Variants in ZPBP observed in about 807,000 individuals in gnomAD.
The protein encoded by ZPBP is zona pellucida-binding protein 1.
Under a neutral mutation model 44.8 loss-of-function variants are expected in ZPBP, and 26 were observed. That is an observed-to-expected ratio of 0.58 (90% CI 0.43 to 0.81). ZPBP has a LOEUF of 0.81. ZPBP is among the 30% of genes least tolerant of loss of function. The probability of loss-of-function intolerance (pLI) is 0.00; values close to 1 mark genes in which losing one functional copy is unlikely to be tolerated. For synonymous variants in ZPBP, 174 were observed against 153.2 expected (o/e 1.14, Z -1.00); for missense variants, 409 against 434.0 (o/e 0.94, Z 0.51).
chr7:49,923,611 A>ACTTCTT (rs58162011), intron 1 of ZPBP, among the ~76,000 whole-genome samples: 116,658 of 151,004 alleles, frequency 0.77, 45,223 homozygotes, highest in East Asian at 0.88. Context: ...AAATATGAAA[A>ACTTCTT]CTTCTTCTTC....
intron 2 of ZPBP, among the ~76,000 whole-genome samples, chr7:49,888,776 T>C (rs1792007222): frequency 6.6e-6 from 1 of 152,098 alleles, no homozygotes; most frequent in African/African-American, 2.4e-5. Context: ...CCAGGCGTGG[T>C]GGCAGGCGCC....
chr7:50,016,060 G>A (rs1329057935), intron 6 of ZPBP, among the ~76,000 whole-genome samples: 1 of 152,094 alleles, frequency 6.6e-6, no homozygotes, highest in African/African-American at 2.4e-5. Flanking sequence ...TCCCATTACT[G>A]GGCACATACC....
chr7:50,034,891 G>T (rs1347809187), intron 4 of ZPBP, among the ~76,000 whole-genome samples: 3 of 152,150 alleles, frequency 2.0e-5, no homozygotes. Flanking sequence ...CTGTAAAAGG[G>T]GGACTGAAGA....
rs184562269 is a variant in ZPBP, at chr7:49,975,653, A to G, written c.961+7689T>C. Reference sequence around the variant, plus strand: ...GTGAATCTCTATACACTATATTGCTATTTCCAAGTGGGTGAGGTGTGCTGG... The same window carrying G: ...GTGAATCTCTATACACTATATTGCTGTTTCCAAGTGGGTGAGGTGTGCTGG... On this transcript the variant is annotated intron_variant, in intron 7 of 7. Coordinates refer to ENST00000046087, the MANE Select transcript of ZPBP (RefSeq NM_007009.3). 4.8e-4 allele frequency among the ~76,000 whole-genome samples: 73 copies of G among 152,198 alleles called. 1 individual carries two copies. Among genetic ancestry groups the G allele is most frequent in the African/African-American group, 1.7e-3 (71 of 41,528 alleles).
At position 50,031,251 on chromosome 7, in the gene ZPBP, T is replaced by C; in HGVS notation, c.547A>G (p.Asn183Asp). ...FTARYHAAPC[N>D]SIYNISFEKK... Reference sequence around the variant, plus strand: ...TCAAAAGAAATATTATAAATGCTATTGCAGGGAGCTGCATGATATCGAGCT... The same window carrying C: ...TCAAAAGAAATATTATAAATGCTATCGCAGGGAGCTGCATGATATCGAGCT... Residue 183 changes from asparagine (N) to aspartate (D), a missense_variant, in exon 5 of 8, where the codon AAT becomes GAT. Physicochemically the swap from Asn to Asp is conservative, Grantham distance 23. Around this residue, in one of 2 missense-constraint regions of ZPBP, gnomAD observed 367 missense variants for 363.1 expected, o/e 1.01. Transcript: ENST00000046087. The C allele has an allele frequency of 6.2e-7, 1 of 1,612,392 alleles. No homozygotes were observed. Among genetic ancestry groups the C allele is most frequent in the South Asian group, 1.1e-5 (1 of 91,004 alleles).
rs1467963833 is a variant in ZPBP, at chr7:50,077,773, ACC to A, written c.334+3999_334+4000del. 6.6e-5 allele frequency among the ~76,000 whole-genome samples: 10 copies of A among 151,970 alleles called. No individual in the cohort carries two copies. In the East Asian group the frequency reaches 1.7e-3, roughly 26 times the overall value. On this transcript the variant is annotated intron_variant, in intron 3 of 7. Transcript: ENST00000046087. ...CTGGTGAGGATGTGGACAAAGGGGA[ACC>A]CTTGTACACTGTTGATGGGAATGTA...
chr7:49,937,986 T>G (rs946173147), intron 7 of ZPBP, among the ~76,000 whole-genome samples: 1 of 152,194 alleles, frequency 6.6e-6, no homozygotes, highest in African/African-American at 2.4e-5. Flanking sequence ...GGTACTCCTA[T>G]GAGAATCTAA....
intron 1 of ZPBP, among the ~76,000 whole-genome samples, chr7:49,906,465 A>G (rs1034321279): frequency 1.3e-5 from 2 of 151,928 alleles, no homozygotes; most frequent in Non-Finnish European, 1.5e-5. Flanking sequence ...CCTCCCAAGT[A>G]GCTGGGACTA....
downstream of ZPBP, among the ~76,000 whole-genome samples, chr7:49,935,422 G>A (rs1983159): frequency 0.75 from 113,795 of 151,832 alleles, 42,869 homozygotes; most frequent in East Asian, 0.89. Context: ...TTTTTGAGAC[G>A]GAGTTTCACT....
downstream of ZPBP, chr7:49,935,905 T>C (rs911771187): frequency 7.9e-5 from 12 of 152,328 alleles, no homozygotes; most frequent in African/African-American, 2.9e-4. Context: ...GTACTTAGCA[T>C]GTGCGTAACA....
downstream of ZPBP, among the ~76,000 whole-genome samples, chr7:49,849,104 T>A (rs1469518851): frequency 6.6e-6 from 1 of 152,208 alleles, no homozygotes; most frequent in African/African-American, 2.4e-5. Flanking sequence ...TGTACTGTAT[T>A]TCTTATTTCT....
intron 7 of ZPBP, among the ~76,000 whole-genome samples, chr7:49,971,215 C>T (rs564842958): frequency 8.6e-5 from 13 of 151,866 alleles, no homozygotes; most frequent in East Asian, 1.9e-4. Context: ...ATCAGTAAAC[C>T]GATTTACACC....
At chr7:49,951,547 T>C (rs949070160) in intron 7 of ZPBP, among the ~76,000 whole-genome samples, 5 of 151,560 alleles carry the variant, frequency 3.3e-5, no homozygotes, top group African/African-American at 1.2e-4. Flanking sequence ...AACTTTTTTT[T>C]TTTTTTTTTA....
intron 6 of ZPBP, among the ~76,000 whole-genome samples, chr7:49,999,799 T>C (rs1291901781): frequency 2.6e-5 from 4 of 152,170 alleles, no homozygotes; most frequent in Non-Finnish European, 5.9e-5. Flanking sequence ...ACAATTCAAA[T>C]GGTAATCACT....
rs1002599610 is a variant in ZPBP at position 49,940,815 on chromosome 7, G to A, written c.962-3193C>T. 6.1e-6 allele frequency: 6 copies of A among 985,108 alleles called. No homozygotes were observed. The African/African-American group carries it at 1.0e-4, about 17-fold the overall frequency. 61.0% of individuals were successfully genotyped at this position (985,108 alleles called of 1,614,324 possible). On this transcript the variant is annotated intron_variant, in intron 7 of 7. Coordinates refer to ENST00000046087, the MANE Select transcript of ZPBP (RefSeq NM_007009.3). ...ATTTATGACCTTCTGACCTGTATGAGAGTCCCATGCCTGTGGGATTGGTTT... is the reference window on the plus strand; with the variant it reads ...ATTTATGACCTTCTGACCTGTATGAAAGTCCCATGCCTGTGGGATTGGTTT...
At chr7:49,911,650 A>G (rs1382194541) in intron 1 of ZPBP, among the ~76,000 whole-genome samples, 2 of 152,078 alleles carry the variant, frequency 1.3e-5, no homozygotes, top group Non-Finnish European at 2.9e-5. Flanking sequence ...TAATCTGAGC[A>G]CTTTGGGAAG....
chr7:49,931,394 T>C (rs1338404827), intron 1 of ZPBP, among the ~76,000 whole-genome samples: 1 of 152,152 alleles, frequency 6.6e-6, no homozygotes, highest in African/African-American at 2.4e-5. Context: ...AAAATTCTGA[T>C]AGCAATATGG....
chr7:49,843,881 T>C, the ZPBP span, among the ~76,000 whole-genome samples: 3 of 152,078 alleles, frequency 2.0e-5, no homozygotes, highest in Non-Finnish European at 4.4e-5. Context: ...AGAAGACCAA[T>C]GGTAATAATC....
Position 49,982,294 on chromosome 7 carries a change from A to ATATAATATATAAT in ZPBP, c.961+1047_961+1048insATTATATATTATA, listed in dbSNP as rs1185208604. ...TATATAATTTATAATTATACATAAT[A>ATATAATATATAAT]TATATAATATATAATTATATAATAT... On this transcript the variant is annotated intron_variant, in intron 7 of 7. Coordinates refer to ENST00000046087, the MANE Select transcript of ZPBP (RefSeq NM_007009.3). Among the ~76,000 whole-genome samples the ATATAATATATAAT allele has an allele frequency of 3.4e-3, 310 of 90,844 alleles. 1 individual carries two copies. The highest frequency in any genetic ancestry group is 0.012 in the African/African-American group (288 of 24,348). The allele number at this position is 90,844 out of a possible 152,430, so 59.6% of individuals were successfully genotyped here.
Sources: gnomAD v4.1 joint callset for allele counts (sites outside exome capture counted in the v4.1 genomes callset) on GRCh38, gnomAD v4.1.1 for gene constraint, gnomAD v4.1.1 regional missense constraint, MANE v1.5 for transcripts, NCBI Gene and HGNC (gene_info 2026-07-23, HGNC 2026-07-21) for gene names.